Variants in LAP3 observed in about 807,000 individuals in gnomAD.
LAP3 encodes leucine aminopeptidase 3.
A neutral mutation model predicts 58.8 loss-of-function variants in LAP3; 46 were observed. The ratio of observed to expected loss-of-function variants is 0.78; its 90% CI spans 0.62 to 1.00. The LOEUF is 1.00. Among genes scored for constraint, LAP3 ranks in the 50% least tolerant of loss-of-function variants. The pLI is 0.00. For missense variants in LAP3, 615 were observed against 659.1 expected, an observed-to-expected ratio of 0.93 and a Z score of 0.73; for synonymous variants, 257 against 237.7, an observed-to-expected ratio of 1.08 and a Z score of -0.75.
chr4:17,596,992 T>C, intron 8 of LAP3, 54 bp from the exon 9 acceptor site: 1 of 1,553,416 alleles, frequency 6.4e-7, no homozygotes, highest in Non-Finnish European at 8.9e-7. Flanking sequence ...GTCCCATAGG[T>C]GGCATGTTTG....
chr4:17,592,197 T>C (rs932730998), intron 7 of LAP3, among the ~76,000 whole-genome samples: 2 of 152,174 alleles, frequency 1.3e-5, no homozygotes, highest in Non-Finnish European at 2.9e-5. Flanking sequence ...AAATACAACA[T>C]TTTTATCATC....
intron 7 of LAP3, among the ~76,000 whole-genome samples, chr4:17,593,091 C>A (rs1044582872): frequency 6.6e-6 from 1 of 152,240 alleles, no homozygotes; most frequent in Non-Finnish European, 1.5e-5. Context: ...AGCCATCACA[C>A]CCAGCCAAAG....
At chr4:17,589,825 C>G (rs1175621281) in intron 7 of LAP3, among the ~76,000 whole-genome samples, 2 of 152,192 alleles carry the variant, frequency 1.3e-5, no homozygotes, top group African/African-American at 4.8e-5. Context: ...AGATTCTCCA[C>G]GAGGTTAGTG....
Position 17,577,372 on chromosome 4 carries a change from C to A in LAP3, c.-94C>A. On this transcript the variant is annotated 5_prime_UTR_variant, in exon 1 of 13. Transcript: ENST00000226299. ...GCGCCCGAGCCAGTCCGCGCGCACG[C>A]CGTCTGCGCCCCGAAAGCCCCGCCC... 1.1e-6 allele frequency: 1 copy of A among 939,936 alleles called. No individual in the cohort carries two copies. The highest frequency in any genetic ancestry group is 1.5e-6 in the Non-Finnish European group (1 of 668,608). The allele number at this position is 939,936 out of a possible 1,614,324, so 58.2% of individuals were successfully genotyped here.
chr4:17,606,244 C>G (rs1714136250), intron 11 of LAP3, among the ~76,000 whole-genome samples: 2 of 152,216 alleles, frequency 1.3e-5, no homozygotes, highest in African/African-American at 4.8e-5. Flanking sequence ...CCTCATCAAC[C>G]CACAAAGCCT....
rs769948195 is a variant in LAP3, at chr4:17,607,536, C to T, written c.1507C>T (p.Pro503Ser). The T allele has an allele frequency of 6.2e-7, 1 of 1,613,936 alleles. No individual in the cohort carries two copies. The highest frequency in any genetic ancestry group is 8.5e-7 in the Non-Finnish European group (1 of 1,179,990). ...PYLRKGMTGR[P>S]TRTLIEFLLR... ...TCTACGGAAAGGCATGACTGGGAGG[C>T]CCACAAGGACTCTCATTGAGTTCTT... The change falls in exon 13 of 13, where the codon CCC becomes TCC. Residue 503 changes from proline (P) to serine (S), a missense_variant. By Grantham distance (74) the Pro-to-Ser change is moderately conservative. Transcript: ENST00000226299.
Position 17,604,662 on chromosome 4 carries a change from T to C in LAP3, c.1255T>C (p.Phe419Leu), listed in dbSNP as rs1288287427. ...TNSSWLWNKLFEASIETGDRV... is the reference protein window; with the variant it reads ...TNSSWLWNKLLEASIETGDRV... ...TTCATCCTGGCTCTGGAACAAACTCTTCGAGGTAGGAATAATATTTGTATA... is the reference window on the plus strand; with the variant it reads ...TTCATCCTGGCTCTGGAACAAACTCCTCGAGGTAGGAATAATATTTGTATA... Residue 419 changes from phenylalanine (F) to leucine (L), a missense_variant, in exon 11 of 13, where the codon TTC (phenylalanine) becomes CTC (leucine). Transcript: ENST00000226299. 1.2e-6 allele frequency: 2 copies of C among 1,606,244 alleles called. No homozygotes were observed. The highest frequency in any genetic ancestry group is 1.7e-6 in the Non-Finnish European group (2 of 1,172,986).
At chr4:17,584,709 G>A (rs1250022332) in intron 5 of LAP3, 1 of 295,320 alleles carries the variant, frequency 3.4e-6, no homozygotes, top group African/African-American at 2.2e-5. Flanking sequence ...CCTTTTTCAT[G>A]TAGATGAGGA....
intron 3 of LAP3, 183 bp downstream of exon 3, chr4:17,581,997 CCTCAAT>C: frequency 1.6e-6 from 1 of 609,992 alleles, no homozygotes; most frequent in Non-Finnish European, 2.9e-6. Context: ...ATCTTATATT[CCTCAAT>C]CTGAAGGCTT....
rs548745392 is a variant in LAP3, at chr4:17,580,184, A to ATATATATATATATATATGTAT, written c.218+246_218+247insATATATATATATATATGTATT. Among the ~76,000 whole-genome samples, 10 of 40,236 alleles carry ATATATATATATATATATGTAT rather than the reference A, an allele frequency of 2.5e-4. 2 individuals are homozygous for ATATATATATATATATATGTAT. The highest frequency in any genetic ancestry group is 1.3e-3 in the African/African-American group (10 of 7,808). The allele number at this position is 40,236 out of a possible 152,430, so 26.4% of individuals were successfully genotyped here. On this transcript the variant is annotated intron_variant, in intron 2 of 12. Coordinates refer to ENST00000226299, the MANE Select transcript of LAP3 (RefSeq NM_015907.3). ...GGCTTTCATATATATATATATATGTATTTTTTTTTTTTTTCAGTAGAGTTG... is the reference window on the plus strand; with the variant it reads ...GGCTTTCATATATATATATATATGTATATATATATATATATATGTATTTTTTTTTTTTTTTCAGTAGAGTTG...
intron 4 of LAP3, 125 bp downstream of exon 4, chr4:17,582,518 T>A: frequency 1.4e-6 from 1 of 700,622 alleles, no homozygotes; most frequent in Non-Finnish European, 2.4e-6. Context: ...TAATTCATCT[T>A]AACAAAAATT....
chr4:17,602,546 C>T (rs1714006899), intron 10 of LAP3, among the ~76,000 whole-genome samples: 2 of 152,270 alleles, frequency 1.3e-5, no homozygotes, highest in South Asian at 2.1e-4. Flanking sequence ...GCAGTAATAA[C>T]AGCCATCAAA....
At position 17,579,907 on chromosome 4, in the gene LAP3, G is replaced by A; in HGVS notation, c.186G>A (p.Leu62=). 6.2e-7 allele frequency: 1 copy of A among 1,611,338 alleles called. No individual in the cohort carries two copies. The highest frequency in any genetic ancestry group is 8.5e-7 in the Non-Finnish European group (1 of 1,178,084). The change falls in exon 2 of 13, where the codon TTG becomes TTA. Residue 62 remains leucine, a synonymous_variant. Coordinates refer to ENST00000226299, the MANE Select transcript of LAP3 (RefSeq NM_015907.3). Reference sequence around the variant, plus strand: ...GTGCAGGAGAGAATTTTGATAAATTGTTAGCTGGAAAGCTGAGAGAGACTT... The same window carrying A: ...GTGCAGGAGAGAATTTTGATAAATTATTAGCTGGAAAGCTGAGAGAGACTT... The part of the protein sequence containing the change: ...FTSAGENFDK[L]LAGKLRETLN...
chr4:17,589,151 C>T (rs1713612876), intron 7 of LAP3, among the ~76,000 whole-genome samples, 174 bp downstream of exon 7: 1 of 151,746 alleles, frequency 6.6e-6, no homozygotes. Context: ...GCCTCTGCCT[C>T]CCAGGCTCAA....
At position 17,598,517 on chromosome 4, in the gene LAP3, C is replaced by A. The variant is rs780579471; in HGVS notation, c.1139C>A (p.Thr380Lys). ...ILADALCYAH[T>K]FNPKVILNAA... ...GCTGATGCGCTCTGTTACGCACACA[C>A]GTTTAACCCGAAGGTCATCCTCAAT... Residue 380 changes from threonine to lysine, a missense_variant, in exon 10 of 13, where the codon ACG becomes AAG. Transcript: ENST00000226299. The A allele has an allele frequency of 3.7e-6, 6 of 1,614,108 alleles. No homozygotes were observed. Among genetic ancestry groups the A allele is most frequent in the Non-Finnish European group, 5.1e-6 (6 of 1,179,984 alleles).
At position 17,588,931 on chromosome 4, in the gene LAP3, A is replaced by G; in HGVS notation, c.817A>G (p.Asn273Asp). Residue 273 changes from asparagine (N) to aspartate (D), a missense_variant, in exon 7 of 13, where the codon AAC becomes GAC. Physicochemically the swap from Asn to Asp is conservative, Grantham distance 23 (BLOSUM62 1). Transcript: ENST00000226299. ...TCACTACAAAGGCAGCCCCAATGCA[A>G]ACGAACCACCCCTGGTGTTTGTTGG... is the stretch of plus-strand genomic sequence containing the variant. ...EIHYKGSPNA[N>D]EPPLVFVGKG... 1 of 1,614,240 alleles carries G rather than the reference A, an allele frequency of 6.2e-7. No homozygotes were observed.
At chr4:17,582,446 A>C in intron 4 of LAP3, 53 bp downstream of exon 4, 1 of 1,370,656 alleles carries the variant, frequency 7.3e-7, no homozygotes, top group East Asian at 2.5e-5. Context: ...CTTTTTGATG[A>C]CCTCTCTTTC....
At chr4:17,598,357 G>A in intron 9 of LAP3, 99 bp from the exon 10 acceptor site, 1 of 818,064 alleles carries the variant, frequency 1.2e-6, no homozygotes, top group Non-Finnish European at 2.1e-6. Context: ...ACACGTCACA[G>A]TAGCTTTTTC....
intron 7 of LAP3, among the ~76,000 whole-genome samples, chr4:17,589,922 A>G (rs1277325276): frequency 6.6e-6 from 1 of 151,894 alleles, no homozygotes; most frequent in African/African-American, 2.4e-5. Flanking sequence ...GCTCCCATTA[A>G]TCTTATTCAA....
Sources: allele counts gnomAD v4.1 joint callset (sites outside exome capture counted in the v4.1 genomes callset), GRCh38; gene constraint gnomAD v4.1.1; transcripts MANE v1.5; gene names NCBI Gene and HGNC (gene_info 2026-07-23, HGNC 2026-07-21).